The following GALNTL6 variants were observed in gnomAD, a reference collection of about 807,000 sequenced individuals.
GALNTL6 encodes polypeptide N-acetylgalactosaminyltransferase-like 6.
A neutral mutation model predicts 73.7 loss-of-function variants in GALNTL6; 46 were observed. The ratio of observed to expected loss-of-function variants is 0.62; its 90% CI spans 0.49 to 0.80. The LOEUF is 0.80. GALNTL6 is among the 30% of genes least tolerant of loss of function. The pLI is 0.00. For synonymous variants in GALNTL6, 259 were observed against 263.7 expected (o/e 0.98, Z 0.17); for missense variants, 604 against 755.0 (o/e 0.80, Z 2.34).
At chr4:172,853,041 A>C (rs1270338372) in intron 7 of GALNTL6, among the ~76,000 whole-genome samples, 1 of 152,210 alleles carries the variant, frequency 6.6e-6, no homozygotes, top group African/African-American at 2.4e-5. Flanking sequence ...TAACGACTTA[A>C]ACAACACCCA....
chr4:172,985,249 C>T (rs1294623772), intron 10 of GALNTL6, among the ~76,000 whole-genome samples: 2 of 151,998 alleles, frequency 1.3e-5, no homozygotes, highest in African/African-American at 4.8e-5. Context: ...TGCATTTAAA[C>T]ATGACCTGCA....
intron 5 of GALNTL6, among the ~76,000 whole-genome samples, chr4:172,412,575 T>A (rs573055969): frequency 3.3e-5 from 5 of 152,192 alleles, no homozygotes; most frequent in Admixed American, 6.5e-5. Context: ...GATAGGTTTT[T>A]TAGAGTTTAG....
chr4:172,893,033 C>A (rs1451833771), intron 8 of GALNTL6, among the ~76,000 whole-genome samples: 24 of 152,168 alleles, frequency 1.6e-4, no homozygotes. Flanking sequence ...ACATGTGGCA[C>A]CCACGGCCTG....
At chr4:172,131,057 A>C (rs113371697) in intron 2 of GALNTL6, among the ~76,000 whole-genome samples, 46 of 152,116 alleles carry the variant, frequency 3.0e-4, no homozygotes, top group African/African-American at 1.1e-3. Flanking sequence ...TATTTAGCCA[A>C]TCCTAAAAGT....
chr4:172,316,346 T>C (rs895570942), intron 4 of GALNTL6, among the ~76,000 whole-genome samples: 1 of 152,220 alleles, frequency 6.6e-6, no homozygotes, highest in South Asian at 2.1e-4. Context: ...ACATGTTACC[T>C]GAGATAGACT....
intron 5 of GALNTL6, among the ~76,000 whole-genome samples, chr4:172,405,431 ATATATATATATATTTTTTTTT>A (rs1378532101): frequency 0.079 from 341 of 4,294 alleles, no homozygotes; most frequent in Admixed American, 0.11. Context: ...ATATATATAT[ATATATATATATATTTTTTTTT>A]TTTTTTTTTT....
intron 2 of GALNTL6, among the ~76,000 whole-genome samples, chr4:171,916,661 T>C (rs1180267030): frequency 6.6e-6 from 1 of 152,170 alleles, no homozygotes; most frequent in Non-Finnish European, 1.5e-5. Context: ...TCAGCGCTTC[T>C]TCATATGTAT....
chr4:172,452,819 C>T (rs1732258891), intron 5 of GALNTL6, among the ~76,000 whole-genome samples: 1 of 152,110 alleles, frequency 6.6e-6, no homozygotes, highest in Non-Finnish European at 1.5e-5. Context: ...ATTGTATTCA[C>T]TAAGAAGCCA....
At chr4:172,992,033 T>G (rs1256794647) in intron 10 of GALNTL6, among the ~76,000 whole-genome samples, 6 of 152,238 alleles carry the variant, frequency 3.9e-5, no homozygotes, top group African/African-American at 1.4e-4. Context: ...TCTCCTTTAT[T>G]AAATTTAGAA....
chr4:172,755,935 G>A (rs1737724109), intron 5 of GALNTL6, among the ~76,000 whole-genome samples: 1 of 152,176 alleles, frequency 6.6e-6, no homozygotes, highest in Non-Finnish European at 1.5e-5. Context: ...ATTAAATGAT[G>A]AGAGATACAG....
In GALNTL6 at chr4:172,675,886, G is replaced by A. The variant is rs1579322349; in HGVS notation, c.554-133475G>A. On this transcript the variant is annotated intron_variant, in intron 5 of 12. Transcript: ENST00000506823. The stretch of plus-strand genomic sequence containing the variant: ...TTTTGTATCATTTCTGAATCCTTGA[G>A]GCATGTACATCTAGAAAATAGACTG... Among the ~76,000 whole-genome samples the A allele has an allele frequency of 3.3e-5, 5 of 152,214 alleles. No individual in the cohort carries two copies. The East Asian group carries it at 9.6e-4, about 29-fold the overall frequency.
chr4:172,290,934 G>A (rs528460394), intron 3 of GALNTL6, among the ~76,000 whole-genome samples: 11 of 151,544 alleles, frequency 7.3e-5, no homozygotes, highest in African/African-American at 2.4e-4. Context: ...AGAATAAGAA[G>A]AAAGAGAAGG....
intron 3 of GALNTL6, among the ~76,000 whole-genome samples, chr4:172,275,973 C>A (rs1738817622): frequency 6.6e-6 from 1 of 152,266 alleles, no homozygotes; most frequent in African/African-American, 2.4e-5. Flanking sequence ...AAAAATAGAT[C>A]ATAGTTCTGC....
In GALNTL6 at chr4:172,489,194, A is replaced by T. The variant is rs191617811; in HGVS notation, c.553+140505A>T. On this transcript the variant is annotated intron_variant, in intron 5 of 12. Transcript: ENST00000506823. ...GGAAAGTCATCCAGAGAAAATTATC[A>T]TTCAATTGTCCCACTTCTATAGTAT... is the stretch of plus-strand genomic sequence containing the variant. 1.0e-3 allele frequency among the ~76,000 whole-genome samples: 156 copies of T among 152,322 alleles called. 1 individual carries two copies. The highest frequency in any genetic ancestry group is 6.2e-3 in the East Asian group (32 of 5,178).
intron 5 of GALNTL6, among the ~76,000 whole-genome samples, chr4:172,606,643 A>C (rs1346623290): frequency 5.6e-5 from 2 of 35,764 alleles, no homozygotes; most frequent in African/African-American, 1.3e-4. Flanking sequence ...TATATATACT[A>C]TATATATAGT....
intron 3 of GALNTL6, 150 bp from the exon 4 acceptor site, chr4:172,311,464 C>G: frequency 2.1e-6 from 1 of 485,488 alleles, no homozygotes; most frequent in Non-Finnish European, 3.5e-6. Flanking sequence ...TACTTAAAGG[C>G]AATTAAAATA....
chr4:172,846,315 A>G (rs1743503605), intron 7 of GALNTL6, among the ~76,000 whole-genome samples: 1 of 152,224 alleles, frequency 6.6e-6, no homozygotes, highest in Admixed American at 6.5e-5. Flanking sequence ...GTGCTATTTC[A>G]ACATCAAATC....
Position 172,176,294 on chromosome 4 carries a change from C to T in GALNTL6, c.139-53362C>T, listed in dbSNP as rs1280337738. Among the ~76,000 whole-genome samples, 3 of 116,436 alleles carry T rather than the reference C, an allele frequency of 2.6e-5. No individual in the cohort carries two copies. In the South Asian group the frequency reaches 9.3e-4, roughly 36 times the overall value. The allele number at this position is 116,436 out of a possible 152,430, so 76.4% of individuals were successfully genotyped here. A position where few individuals can be genotyped will look rare whatever the true frequency, so the allele number is the denominator to read the frequency against. On this transcript the variant is annotated intron_variant, in intron 2 of 12. Coordinates refer to ENST00000506823, the MANE Select transcript of GALNTL6 (RefSeq NM_001034845.3). ...GGCGGAGCCTGCAGTGAGCCGAGAT[C>T]GCGCCACTGCACTCCAACCTGGGCG...
At chr4:171,988,247 T>C (rs1014108207) in intron 2 of GALNTL6, among the ~76,000 whole-genome samples, 4 of 152,270 alleles carry the variant, frequency 2.6e-5, no homozygotes, top group African/African-American at 7.2e-5. Flanking sequence ...AAAGGAGTTC[T>C]TGTTTTGTAA....
Sources: allele counts gnomAD v4.1 joint callset (sites outside exome capture counted in the v4.1 genomes callset), GRCh38; gene constraint gnomAD v4.1.1; transcripts MANE v1.5; gene names NCBI Gene and HGNC (gene_info 2026-07-23, HGNC 2026-07-21).